Variants in GPAM observed in about 807,000 individuals in gnomAD.
GPAM encodes glycerol-3-phosphate acyltransferase, mitochondrial.
GPAM carries 56 observed loss-of-function variants against 105.0 expected under a neutral mutation model. The observed-to-expected ratio is 0.53, with a 90% CI of 0.43 to 0.67. The LOEUF is 0.67. Among genes scored for constraint, GPAM ranks in the 30% least tolerant of loss-of-function variants. The pLI, the probability that GPAM is intolerant of heterozygous loss-of-function variation, is 0.00. For missense variants in GPAM, 855 were observed against 989.8 expected (o/e 0.86, Z 1.83); for synonymous variants, 368 against 354.4 (o/e 1.04, Z -0.43).
chr10:112,195,698 C>G (rs1471459089), intron 1 of GPAM, among the ~76,000 whole-genome samples: 2 of 152,228 alleles, frequency 1.3e-5, no homozygotes, highest in African/African-American at 2.4e-5. Flanking sequence ...CCCTACATTC[C>G]TAGTACCTGA....
intron 7 of GPAM, among the ~76,000 whole-genome samples, 174 bp from the exon 8 acceptor site, chr10:112,173,240 T>A (rs946918740): frequency 1.2e-5 from 1 of 85,186 alleles, no homozygotes; most frequent in Non-Finnish European, 2.5e-5. Flanking sequence ...ATTGCTGAAC[T>A]AGAGCTAATT....
intron 1 of GPAM, among the ~76,000 whole-genome samples, chr10:112,189,968 A>C (rs1396373683): frequency 6.6e-6 from 1 of 152,204 alleles, no homozygotes; most frequent in African/African-American, 2.4e-5. Context: ...TCCCAAGCCC[A>C]GTTTATTTAA....
intron 11 of GPAM, 111 bp downstream of exon 11, chr10:112,168,201 A>T: frequency 1.4e-6 from 1 of 721,580 alleles, no homozygotes; most frequent in Non-Finnish European, 2.5e-6. Flanking sequence ...CAGTGCTTTA[A>T]ACATAGGGAG....
rs1373076890 is a variant in GPAM at position 112,149,867 on chromosome 10, TG to T, written c.*3682del. The T allele has an allele frequency of 1.1e-5, 10 of 948,290 alleles. No individual in the cohort carries two copies. The highest frequency in any genetic ancestry group is 1.3e-5 in the Non-Finnish European group (10 of 795,824). 58.7% of individuals were successfully genotyped at this position (948,290 alleles called of 1,614,324 possible). ...ATACAAATCAAACACATCAAGAGTA[TG>T]TTCAATTTTTGGTTTATTAAAACAA... On this transcript the variant is annotated 3_prime_UTR_variant, in exon 22 of 22. Coordinates refer to ENST00000348367, the MANE Select transcript of GPAM (RefSeq NM_001244949.2).
intron 1 of GPAM, among the ~76,000 whole-genome samples, chr10:112,208,300 C>T (rs934106247): frequency 1.3e-5 from 2 of 152,166 alleles, no homozygotes; most frequent in African/African-American, 4.8e-5. Context: ...CAACTTTTAT[C>T]CTGAAATATC....
In GPAM at chr10:112,175,663, T is replaced by C; in HGVS notation, c.350A>G (p.Glu117Gly). ...RRLSYVLFIQ[E>G]RDVHKGMFAT... ...AAACATGCCCTTATGCACATCTCGC[T>C]CTTGAATAAAAAGAACGTAAGAAAG... is the stretch of plus-strand genomic sequence containing the variant. Residue 117 changes from glutamate to glycine, a missense_variant, in exon 6 of 22, where the codon GAG becomes GGG. Physicochemically the swap from Glu to Gly is moderately conservative, Grantham distance 98. Coordinates refer to ENST00000348367, the MANE Select transcript of GPAM (RefSeq NM_001244949.2). 6.2e-7 allele frequency: 1 copy of C among 1,613,670 alleles called. No individual in the cohort carries two copies. The highest frequency in any genetic ancestry group is 8.5e-7 in the Non-Finnish European group (1 of 1,179,592).
chr10:112,152,805 C>G lies in GPAM; in HGVS notation c.*745G>C. On this transcript the variant is annotated 3_prime_UTR_variant, in exon 22 of 22. Coordinates refer to ENST00000348367, the MANE Select transcript of GPAM (RefSeq NM_001244949.2). ...GGCACTTGTTTATATGAGCAAAAGCCTTCAACACCAGTTTTCTGGCCAAGT... is the reference window on the plus strand; with the variant it reads ...GGCACTTGTTTATATGAGCAAAAGCGTTCAACACCAGTTTTCTGGCCAAGT... The G allele has an allele frequency of 1.9e-6, 1 of 529,578 alleles. No homozygotes were observed. Among genetic ancestry groups the G allele is most frequent in the African/African-American group, 2.1e-5 (1 of 48,640 alleles). 32.8% of individuals were successfully genotyped at this position (529,578 alleles called of 1,614,324 possible).
chr10:112,176,069 CAT>C (rs1847398822), intron 5 of GPAM, among the ~76,000 whole-genome samples: 1 of 152,066 alleles, frequency 6.6e-6, no homozygotes, highest in South Asian at 2.1e-4. Context: ...TCTGATAAAC[CAT>C]ACAGCTTATA....
At chr10:112,196,452 T>C (rs1847725472) in intron 1 of GPAM, among the ~76,000 whole-genome samples, 2 of 152,226 alleles carry the variant, frequency 1.3e-5, no homozygotes, top group South Asian at 4.1e-4. Flanking sequence ...TTGGAAAATT[T>C]ATTCTCTTGG....
At chr10:112,173,571 T>A (rs1847350789) in intron 7 of GPAM, 128 bp downstream of exon 7, 1 of 944,642 alleles carries the variant, frequency 1.1e-6, no homozygotes, top group Admixed American at 1.8e-5. Context: ...GAGTTTAATT[T>A]AATATCAGGA....
At chr10:112,173,656 A>C in intron 7 of GPAM, 43 bp downstream of exon 7, 1 of 1,594,714 alleles carries the variant, frequency 6.3e-7, no homozygotes, top group Non-Finnish European at 8.6e-7. Flanking sequence ...TGCTCAAATC[A>C]GCATGGCTGT....
chr10:112,198,781 G>C (rs746509151), intron 1 of GPAM, among the ~76,000 whole-genome samples: 1 of 152,114 alleles, frequency 6.6e-6, no homozygotes, highest in Non-Finnish European at 1.5e-5. Context: ...CTATGTGTCC[G>C]TTGATGGAAG....
rs772570216 is a variant in GPAM at position 112,152,023 on chromosome 10, CA to C, written c.*1526del. On this transcript the variant is annotated 3_prime_UTR_variant, in exon 22 of 22. Coordinates refer to ENST00000348367, the MANE Select transcript of GPAM (RefSeq NM_001244949.2). ...GCTATGAGTTTCAAACATGGTATTTCATACAATGTGAAATATCAATCAGCAT... is the reference window on the plus strand; with the variant it reads ...GCTATGAGTTTCAAACATGGTATTTCTACAATGTGAAATATCAATCAGCAT... 2.9e-5 allele frequency: 28 copies of C among 969,704 alleles called. No individual in the cohort carries two copies. The highest frequency in any genetic ancestry group is 3.3e-5 in the Non-Finnish European group (27 of 815,688). 60.1% of individuals were successfully genotyped at this position (969,704 alleles called of 1,614,324 possible). A position where few individuals can be genotyped will look rare whatever the true frequency, so the allele number is the denominator to read the frequency against.
chr10:112,180,173 T>C (rs1360270435), intron 4 of GPAM, among the ~76,000 whole-genome samples: 1 of 152,216 alleles, frequency 6.6e-6, no homozygotes, highest in Admixed American at 6.5e-5. Flanking sequence ...TAAAAGTTCA[T>C]GAAGGTTCCC....
At chr10:112,188,110 C>G (rs1390681347), upstream of GPAM, among the ~76,000 whole-genome samples, 2 of 152,062 alleles carry the variant, frequency 1.3e-5, no homozygotes, top group Admixed American at 6.5e-5. Context: ...TTATTTATCT[C>G]AGATTCAGCC....
intron 1 of GPAM, among the ~76,000 whole-genome samples, chr10:112,195,848 G>A (rs954925679): frequency 3.9e-5 from 6 of 152,358 alleles, no homozygotes; most frequent in African/African-American, 1.4e-4. Context: ...CTTAGGAATA[G>A]AAACATTCAA....
At chr10:112,204,041 G>C (rs151330581) in intron 1 of GPAM, among the ~76,000 whole-genome samples, 60 of 152,268 alleles carry the variant, frequency 3.9e-4, no homozygotes, top group African/African-American at 1.4e-3. Flanking sequence ...CCGTGGAGGA[G>C]ATGGCACAGC....
intron 1 of GPAM, among the ~76,000 whole-genome samples, chr10:112,197,041 A>T (rs1158046832): frequency 6.6e-6 from 1 of 152,256 alleles, no homozygotes; most frequent in Non-Finnish European, 1.5e-5. Context: ...GGGTTAAATA[A>T]ATCAAGATCA....
At chr10:112,176,377 G>A (rs1360183174) in intron 5 of GPAM, among the ~76,000 whole-genome samples, 1 of 152,214 alleles carries the variant, frequency 6.6e-6, no homozygotes, top group African/African-American at 2.4e-5. Flanking sequence ...GGAGGATGGA[G>A]AGATGAGTTT....
Sources: gnomAD v4.1 joint callset for allele counts (sites outside exome capture counted in the v4.1 genomes callset) on GRCh38, gnomAD v4.1.1 for gene constraint, MANE v1.5 for transcripts, NCBI Gene and HGNC (gene_info 2026-07-23, HGNC 2026-07-21) for gene names.